TTC6: variants seen among roughly 807,000 people sequenced by gnomAD.
TTC6 encodes tetratricopeptide repeat protein 6.
TTC6 carries 172 observed loss-of-function variants against 210.4 expected under a neutral mutation model. The observed-to-expected ratio is 0.82, with a 90% CI of 0.72 to 0.93. The LOEUF is 0.93. Ranked by LOEUF, TTC6 falls within the 40% of genes least tolerant of loss-of-function variation. The pLI is 0.00. For synonymous variants in TTC6, 804 were observed against 819.6 expected, an observed-to-expected ratio of 0.98 and a Z score of 0.32; for missense variants, 2,414 against 2,318.1, an observed-to-expected ratio of 1.04 and a Z score of -0.85.
At position 37,723,875 on chromosome 14, in the gene TTC6, C is replaced by T. The variant is rs193247947; in HGVS notation, c.1714-1023C>T. 7.1e-4 allele frequency among the ~76,000 whole-genome samples: 108 copies of T among 152,170 alleles called. 2 individuals carry two copies. Among genetic ancestry groups the T allele is most frequent in the Middle Eastern group, 6.8e-3 (2 of 294 alleles). On this transcript the variant is annotated intron_variant, in intron 6 of 30. Transcript: ENST00000553443. ...AAAATTCATATTAAAGGAGAGATCA[C>T]GCATATTTAGGGTGGTATGGCTGTA...
intron 17 of TTC6, among the ~76,000 whole-genome samples, chr14:37,792,637 T>C (rs993515022): frequency 6.6e-6 from 1 of 152,132 alleles, no homozygotes; most frequent in Non-Finnish European, 1.5e-5. Context: ...ATAATACCTT[T>C]TTTTTTCTTA....
Position 37,795,059 on chromosome 14 carries a change from TAAAG to T in TTC6, c.3709-209_3709-206del, listed in dbSNP as rs1232013664. Among the ~76,000 whole-genome samples the T allele has an allele frequency of 3.9e-5, 6 of 152,282 alleles. No individual in the cohort carries two copies. The South Asian group carries it at 6.2e-4, about 16-fold the overall frequency. The stretch of plus-strand genomic sequence containing the variant: ...GATATGTATAATTATTATTTAAAAT[TAAAG>T]ATAGATGATTTTTAAAAACTAAGAA... On this transcript the variant is annotated intron_variant, in intron 17 of 30. Coordinates refer to ENST00000553443, the Ensembl canonical transcript of TTC6.
intron 10 of TTC6, among the ~76,000 whole-genome samples, chr14:37,741,511 A>C (rs1318474315): frequency 6.6e-6 from 1 of 151,912 alleles, no homozygotes; most frequent in Non-Finnish European, 1.5e-5. Context: ...GCTGGTCTCG[A>C]ATTCCTGACT....
At chr14:37,807,515 A>T in intron 23 of TTC6, 55 bp downstream of exon 25, 1 of 1,401,390 alleles carries the variant, frequency 7.1e-7, no homozygotes, top group South Asian at 1.6e-5. Context: ...AGATTCTCTT[A>T]TGCTAGGCAG....
At chr14:37,800,901 T>G (rs2096104961) in intron 20 of TTC6, among the ~76,000 whole-genome samples, 1 of 151,986 alleles carries the variant, frequency 6.6e-6, no homozygotes, top group Admixed American at 6.6e-5. Flanking sequence ...AGTAGGTTAA[T>G]AAAACAACTC....
intron 3 of TTC6, among the ~76,000 whole-genome samples, 192 bp downstream of exon 5, chr14:37,683,156 T>A (rs942209763): frequency 6.6e-6 from 1 of 152,086 alleles, no homozygotes; most frequent in Non-Finnish European, 1.5e-5. Flanking sequence ...TTTGAGGGTT[T>A]CTAGTGTCAA....
rs892943120 is a variant in TTC6, at chr14:37,807,405, A to T, written c.4400A>T (p.Tyr1467Phe). 2.6e-6 allele frequency: 4 copies of T among 1,530,116 alleles called. No homozygotes were observed. The African/African-American group carries it at 5.5e-5, about 21-fold the overall frequency. 94.8% of individuals were successfully genotyped at this position (1,530,116 alleles called of 1,614,324 possible). A position where few individuals can be genotyped will look rare whatever the true frequency, so the allele number is the denominator to read the frequency against. ...AATTGTAACAAGGCTATTAAAATTT[A>T]CCCTGAAAGCGTACGTGCCTATCTC... The change falls in exon 23 of 31, where the codon TAC becomes TTC. Residue 1467 changes from tyrosine to phenylalanine, a missense_variant. By Grantham distance (22) the Tyr-to-Phe change is conservative. Coordinates refer to ENST00000553443, the Ensembl canonical transcript of TTC6.
At chr14:37,810,396 A>G (rs1232976235) in intron 24 of TTC6, among the ~76,000 whole-genome samples, 1 of 152,160 alleles carries the variant, frequency 6.6e-6, no homozygotes, top group Non-Finnish European at 1.5e-5. Flanking sequence ...ATGCAAAACT[A>G]CCTAAATCAA....
At chr14:37,793,558 T>C (rs1004515537) in intron 17 of TTC6, among the ~76,000 whole-genome samples, 1 of 152,126 alleles carries the variant, frequency 6.6e-6, no homozygotes, top group South Asian at 2.1e-4. Flanking sequence ...GCAGGTTCAA[T>C]GTTGCCACTA....
chr14:37,779,962 G>T (rs570577188), intron 14 of TTC6, among the ~76,000 whole-genome samples: 1 of 152,066 alleles, frequency 6.6e-6, no homozygotes, highest in Non-Finnish European at 1.5e-5. Context: ...CCAGCTCTAG[G>T]AATAGAGTAA....
chr14:37,670,474 C>CCTTTTTTTTTTTTTTTTTTTTT lies in TTC6; in HGVS notation c.940-9677_940-9676insCTTTTTTTTTTTTTTTTTTTTT, dbSNP rs532690678. On this transcript the variant is annotated intron_variant, in intron 1 of 30. Transcript: ENST00000553443. Reference sequence around the variant, plus strand: ...TAAGGATCTAGCACAAACTACCTCACTTTTTTTTTTTTTTTTTTTTTAGTC... The same window carrying CCTTTTTTTTTTTTTTTTTTTTT: ...TAAGGATCTAGCACAAACTACCTCACCTTTTTTTTTTTTTTTTTTTTTTTTTTTTTTTTTTTTTTTTTTAGTC... 2.5e-5 allele frequency among the ~76,000 whole-genome samples: 3 copies of CCTTTTTTTTTTTTTTTTTTTTT among 121,326 alleles called. 1 individual carries two copies. The highest frequency in any genetic ancestry group is 3.4e-5 in the Non-Finnish European group (2 of 59,544). 79.6% of individuals were successfully genotyped at this position (121,326 alleles called of 152,430 possible). A position where few individuals can be genotyped will look rare whatever the true frequency, so the allele number is the denominator to read the frequency against.
intron 24 of TTC6, among the ~76,000 whole-genome samples, chr14:37,811,371 G>A (rs1184119770): frequency 2.6e-5 from 4 of 152,016 alleles, no homozygotes; most frequent in African/African-American, 9.7e-5. Context: ...CATACCTATA[G>A]GATCTTTAAC....
chr14:37,706,690 T>C (rs1162353244), intron 5 of TTC6, among the ~76,000 whole-genome samples: 5 of 152,228 alleles, frequency 3.3e-5, no homozygotes, highest in East Asian at 3.9e-4. Flanking sequence ...TATAAAACAA[T>C]TTTTTCTGCG....
chr14:37,829,197 C>T (rs530947405), intron 29 of TTC6, among the ~76,000 whole-genome samples: 4 of 151,902 alleles, frequency 2.6e-5, no homozygotes, highest in Admixed American at 6.6e-5. Context: ...TGTATAGAAT[C>T]GGATTTTACT....
chr14:37,760,511 A>G (rs2095980987), intron 14 of TTC6, among the ~76,000 whole-genome samples: 4 of 152,158 alleles, frequency 2.6e-5, no homozygotes, highest in Non-Finnish European at 5.9e-5. Context: ...TCTGTCCCTT[A>G]GCAGAGCTCA....
chr14:37,823,964 T>C lies in TTC6; in HGVS notation c.4974+7T>C, dbSNP rs940341493. ...TTTTGGCTATAATTTGCAGGTAATA[T>C]AGCAACATTTTGAGCATTAAAAGCA... On this transcript the variant is annotated splice_region_variant and intron_variant, in intron 27 of 30. Transcript: ENST00000553443. 1.2e-6 allele frequency: 2 copies of C among 1,612,096 alleles called. No individual in the cohort carries two copies. Among genetic ancestry groups the C allele is most frequent in the South Asian group, 1.1e-5 (1 of 90,864 alleles).
upstream of TTC6, among the ~76,000 whole-genome samples, chr14:37,619,987 T>A (rs776016991): frequency 6.6e-6 from 1 of 152,198 alleles, no homozygotes; most frequent in Non-Finnish European, 1.5e-5. Flanking sequence ...GAATCTTTCT[T>A]CAATGTCCTT....
chr14:37,803,559 A>G (rs923713936), intron 20 of TTC6, among the ~76,000 whole-genome samples: 3 of 152,130 alleles, frequency 2.0e-5, no homozygotes, highest in Non-Finnish European at 4.4e-5. Context: ...GCTTGAGTAG[A>G]CAAGTTTTAA....
exon 11 of TTC6, chr14:37,748,955 A>C: frequency 6.7e-7 from 1 of 1,494,372 alleles, no homozygotes; most frequent in Non-Finnish European, 8.9e-7. Context: ...ATCTCATGGA[A>C]TACTTCCGGG....
Sources: gnomAD v4.1 joint callset for allele counts (sites outside exome capture counted in the v4.1 genomes callset) on GRCh38, gnomAD v4.1.1 for gene constraint, MANE v1.5 for transcripts, NCBI Gene and HGNC (gene_info 2026-07-23, HGNC 2026-07-21) for gene names.